POC1B: variants seen among roughly 807,000 people sequenced by gnomAD.
POC1B encodes POC1 centriolar protein homolog B.
POC1B carries 44 observed loss-of-function variants against 60.6 expected under a neutral mutation model. The ratio of observed to expected loss-of-function variants is 0.73; its 90% CI spans 0.57 to 0.93. POC1B has a LOEUF of 0.93. POC1B is among the 40% of genes least tolerant of loss of function. POC1B has a pLI of 0.00. For synonymous variants in POC1B, 180 were observed against 198.9 expected (o/e 0.90, Z 0.80); for missense variants, 555 against 572.3 (o/e 0.97, Z 0.31).
chr12:89,402,063 T>C, the POC1B span, among the ~76,000 whole-genome samples: 1 of 152,224 alleles, frequency 6.6e-6, no homozygotes, highest in African/African-American at 2.4e-5. Context: ...CTGCTCACTG[T>C]AGGAAGCCTT....
the POC1B span, among the ~76,000 whole-genome samples, chr12:89,406,520 G>A: frequency 6.6e-6 from 1 of 152,302 alleles, no homozygotes; most frequent in East Asian, 1.9e-4. Context: ...GCAGTGGCAA[G>A]AGGACTGGCT....
the POC1B span, among the ~76,000 whole-genome samples, chr12:89,408,771 G>GCCA: frequency 6.6e-6 from 1 of 152,184 alleles, no homozygotes; most frequent in Non-Finnish European, 1.5e-5. Flanking sequence ...ACAGGCGTGA[G>GCCA]CCACCGCGCC....
At chr12:89,408,528 C>G in the POC1B span, among the ~76,000 whole-genome samples, 1 of 151,586 alleles carries the variant, frequency 6.6e-6, no homozygotes, top group African/African-American at 2.4e-5. Context: ...CTCTGTCACC[C>G]AGGCTGGAGT....
At chr12:89,523,786 A>G in intron 2 of POC1B, 1 of 1,536,328 alleles carries the variant, frequency 6.5e-7, no homozygotes, top group Non-Finnish European at 8.7e-7. Context: ...TGTGTCTATA[A>G]CAGGACACAC....
chr12:89,475,027 GTGAA>G (rs1228722382), intron 4 of POC1B, among the ~76,000 whole-genome samples: 1 of 152,178 alleles, frequency 6.6e-6, no homozygotes, highest in Non-Finnish European at 1.5e-5. Flanking sequence ...GAATATAGCT[GTGAA>G]TGAGACTGGC....
intron 10 of POC1B, among the ~76,000 whole-genome samples, chr12:89,443,979 T>C (rs1225749658): frequency 1.3e-5 from 2 of 152,154 alleles, no homozygotes; most frequent in Non-Finnish European, 2.9e-5. Context: ...TAAACACTTC[T>C]ATGCAAAGAA....
chr12:89,417,367 CT>C (rs1880380593), downstream of POC1B, among the ~76,000 whole-genome samples: 1 of 152,214 alleles, frequency 6.6e-6, no homozygotes, highest in Non-Finnish European at 1.5e-5. Context: ...TGCTGTTCCA[CT>C]TTAACCAATC....
the POC1B span, among the ~76,000 whole-genome samples, chr12:89,402,288 T>C: frequency 6.6e-6 from 1 of 152,136 alleles, no homozygotes; most frequent in African/African-American, 2.4e-5. Context: ...ATTAGATTAC[T>C]GCCTAATTCA....
chr12:89,402,811 C>T, the POC1B span, among the ~76,000 whole-genome samples: 1 of 152,138 alleles, frequency 6.6e-6, no homozygotes, highest in Admixed American at 6.5e-5. Context: ...ACAATCTTGG[C>T]TCACTGCAAC....
intron 10 of POC1B, among the ~76,000 whole-genome samples, chr12:89,458,332 G>A (rs1273565393): frequency 6.6e-6 from 1 of 152,156 alleles, no homozygotes; most frequent in Non-Finnish European, 1.5e-5. Flanking sequence ...AAGCACTGTG[G>A]CAAGTTGTAG....
chr12:89,509,035 G>A (rs1870044223), intron 2 of POC1B, among the ~76,000 whole-genome samples: 1 of 152,146 alleles, frequency 6.6e-6, no homozygotes, highest in African/African-American at 2.4e-5. Context: ...TCACCAAACT[G>A]TCACACACTA....
intron 11 of POC1B, among the ~76,000 whole-genome samples, chr12:89,422,007 G>A (rs1369898808): frequency 6.6e-6 from 1 of 151,518 alleles, no homozygotes; most frequent in Non-Finnish European, 1.5e-5. Flanking sequence ...TAATTTTTGT[G>A]ATACTGGCTA....
At chr12:89,523,608 A>C (rs752236027) in intron 2 of POC1B, 2 of 1,558,786 alleles carry the variant, frequency 1.3e-6, no homozygotes, top group Non-Finnish European at 1.7e-6. Context: ...TGCTGACAGC[A>C]AACAGTCCTC....
intron 4 of POC1B, among the ~76,000 whole-genome samples, chr12:89,484,869 G>A (rs1189278539): frequency 6.6e-6 from 1 of 152,202 alleles, no homozygotes; most frequent in Non-Finnish European, 1.5e-5. Context: ...ACTGATCACT[G>A]GCAGGTGCGT....
chr12:89,440,592 T>G (rs543919371), intron 10 of POC1B, among the ~76,000 whole-genome samples: 1 of 152,336 alleles, frequency 6.6e-6, no homozygotes, highest in East Asian at 1.9e-4. Context: ...AAAAAAATTT[T>G]CAGCCTGACC....
chr12:89,513,346 C>G (rs1400323981), intron 2 of POC1B, among the ~76,000 whole-genome samples: 2 of 151,058 alleles, frequency 1.3e-5, no homozygotes, highest in Non-Finnish European at 2.9e-5. Context: ...TGCTTCTATT[C>G]AGTCAAAAAA....
the POC1B span, among the ~76,000 whole-genome samples, chr12:89,411,060 C>A: frequency 1.3e-5 from 2 of 152,112 alleles, no homozygotes; most frequent in Non-Finnish European, 2.9e-5. Context: ...ATACAACTTA[C>A]AAGGGATGTG....
At chr12:89,509,672 A>G (rs1870081024) in intron 2 of POC1B, among the ~76,000 whole-genome samples, 1 of 152,222 alleles carries the variant, frequency 6.6e-6, no homozygotes, top group Non-Finnish European at 1.5e-5. Flanking sequence ...ATCTAACACC[A>G]CAGAATACAT....
chr12:89,523,791 A>G, intron 2 of POC1B: 1 of 1,535,810 alleles, frequency 6.5e-7, no homozygotes. Context: ...CTATAACAGG[A>G]CACACAACTG....
Sources: gnomAD v4.1 joint callset for allele counts (sites outside exome capture counted in the v4.1 genomes callset) on GRCh38, gnomAD v4.1.1 for gene constraint, MANE v1.5 for transcripts, NCBI Gene and HGNC (gene_info 2026-07-23, HGNC 2026-07-21) for gene names.